MBTPS1: variants seen among roughly 807,000 people sequenced by gnomAD.
MBTPS1 encodes membrane bound transcription factor peptidase, site 1, also known as membrane-bound transcription factor site-1 protease.
A neutral mutation model predicts 127.8 loss-of-function variants in MBTPS1; 94 were observed. The ratio of observed to expected loss-of-function variants is 0.74; its 90% CI spans 0.62 to 0.87. The LOEUF is 0.87. Among genes scored for constraint, MBTPS1 ranks in the 40% least tolerant of loss-of-function variants. The pLI is 0.00. For missense variants in MBTPS1, 1,636 were observed against 1,353.2 expected, an observed-to-expected ratio of 1.21 and a Z score of -3.28; for synonymous variants, 632 against 509.4, an observed-to-expected ratio of 1.24 and a Z score of -3.24.
At chr16:84,066,666 C>G in intron 16 of MBTPS1, 53 bp from the exon 17 acceptor site, 1 of 1,577,286 alleles carries the variant, frequency 6.3e-7, no homozygotes, top group Non-Finnish European at 8.7e-7. Flanking sequence ...ACACTCCATA[C>G]ACAGTTATTT....
chr16:84,104,368 G>A (rs978864421), intron 1 of MBTPS1, among the ~76,000 whole-genome samples: 1 of 152,028 alleles, frequency 6.6e-6, no homozygotes, highest in East Asian at 1.9e-4. Flanking sequence ...TATAGTCCCA[G>A]CTACTCAGGA....
Position 84,065,673 on chromosome 16 carries a change from T to A in MBTPS1, c.2431+17A>T, listed in dbSNP as rs1383099353. The A allele has an allele frequency of 6.3e-7, 1 of 1,591,736 alleles. No homozygotes were observed. Among genetic ancestry groups the A allele is most frequent in the Admixed American group, 1.7e-5 (1 of 59,946 alleles). On this transcript the variant is annotated intron_variant, in intron 18 of 22. Transcript: ENST00000343411. ...AGAGAAAGAAGAAGCAAAAGGCCCA[T>A]GAATGGCATCCTTTACCTTGGTCCT...
In MBTPS1 at chr16:84,065,697, C is replaced by T. The variant is rs1172590250; in HGVS notation, c.2424G>A (p.Lys808=). ...EDGVVITQTF[K]DQGLEVLKQE... ...ATGAATGGCATCCTTTACCTTGGTC[C>T]TTGAAAGTCTGTGTTATCACGACGC... Residue 808 remains lysine, a synonymous_variant, in exon 18 of 23, where the codon AAG becomes AAA. Transcript: ENST00000343411. The T allele has an allele frequency of 1.2e-6, 2 of 1,612,414 alleles. No homozygotes were observed. Among genetic ancestry groups the T allele is most frequent in the Admixed American group, 1.7e-5 (1 of 59,862 alleles).
At chr16:84,091,015 A>C (rs527847861) in intron 7 of MBTPS1, 73 bp from the exon 8 acceptor site, 56 of 906,646 alleles carry the variant, frequency 6.2e-5, no homozygotes, top group South Asian at 1.0e-4. Flanking sequence ...AAAAAAAAAA[A>C]CCATACACAA....
chr16:84,063,220 A>G, intron 19 of MBTPS1, 85 bp downstream of exon 19: 1 of 1,419,660 alleles, frequency 7.0e-7, no homozygotes, highest in South Asian at 1.2e-5. Context: ...CTGATCTGCC[A>G]GCATCTCACG....
chr16:84,089,499 G>A (rs1228863852), intron 8 of MBTPS1, among the ~76,000 whole-genome samples: 2 of 152,224 alleles, frequency 1.3e-5, no homozygotes, highest in Non-Finnish European at 2.9e-5. Context: ...TTAGAAAACT[G>A]CTACAATATA....
chr16:84,063,993 CAA>C (rs1213746103), intron 18 of MBTPS1, among the ~76,000 whole-genome samples: 2 of 152,172 alleles, frequency 1.3e-5, no homozygotes, highest in African/African-American at 2.4e-5. Context: ...ATTAATTTCA[CAA>C]AGACACATGT....
chr16:84,071,594 A>G (rs1483078768), intron 12 of MBTPS1, among the ~76,000 whole-genome samples: 1 of 152,238 alleles, frequency 6.6e-6, no homozygotes, highest in Non-Finnish European at 1.5e-5. Flanking sequence ...ATTAACACAG[A>G]TGAAACAATT....
intron 12 of MBTPS1, among the ~76,000 whole-genome samples, chr16:84,071,402 C>T (rs772653526): frequency 1.3e-5 from 2 of 152,210 alleles, no homozygotes; most frequent in Non-Finnish European, 2.9e-5. Context: ...CCTCCACAAT[C>T]CACACAGCCA....
intron 1 of MBTPS1, among the ~76,000 whole-genome samples, chr16:84,111,202 GAGA>G (rs1306230742): frequency 1.4e-5 from 2 of 141,188 alleles, no homozygotes; most frequent in African/African-American, 5.9e-5. Flanking sequence ...GTCTATAAGA[GAGA>G]GGCAGGAGAT....
chr16:84,104,961 G>C (rs1474380681), intron 1 of MBTPS1, among the ~76,000 whole-genome samples: 1 of 151,954 alleles, frequency 6.6e-6, no homozygotes, highest in Non-Finnish European at 1.5e-5. Context: ...AATTAGTTGG[G>C]CATTGTGGTG....
chr16:84,086,211 C>G (rs905261884), intron 9 of MBTPS1: 1 of 152,216 alleles, frequency 6.6e-6, no homozygotes, highest in Admixed American at 6.5e-5. Flanking sequence ...CATTAAAAAG[C>G]TGGCTGGTGA....
At chr16:84,085,888 A>T (rs911009040) in intron 9 of MBTPS1, 1 of 152,176 alleles carries the variant, frequency 6.6e-6, no homozygotes, top group African/African-American at 2.4e-5. Flanking sequence ...TTACAAGGAA[A>T]AAAGTACACG....
At chr16:84,092,783 A>C (rs1009024349) in intron 6 of MBTPS1, among the ~76,000 whole-genome samples, 3 of 152,236 alleles carry the variant, frequency 2.0e-5, no homozygotes, top group African/African-American at 7.2e-5. Context: ...CGGGACACAG[A>C]GGTAAATAAA....
Position 84,070,000 on chromosome 16 carries a change from G to C in MBTPS1, c.1821C>G (p.Leu607=). The C allele has an allele frequency of 6.2e-7, 1 of 1,613,810 alleles. No individual in the cohort carries two copies. The highest frequency in any genetic ancestry group is 8.5e-7 in the Non-Finnish European group (1 of 1,179,930). ...NGAEQTSTVK[L]PIKVKIIPTP... is the part of the protein sequence containing the mutation. ...TAGGAATTATCTTCACCTTAATGGG[G>C]AGCTTTACTGTTGAAGTCTGTTCTG... The change falls in exon 14 of 23, where the codon CTC becomes CTG. Residue 607 remains leucine, a synonymous_variant. Coordinates refer to ENST00000343411, the MANE Select transcript of MBTPS1 (RefSeq NM_003791.4).
chr16:84,081,875 G>T lies in MBTPS1; in HGVS notation c.1320C>A (p.Ala440=). 6.7e-7 allele frequency: 1 copy of T among 1,483,434 alleles called. No individual in the cohort carries two copies. The highest frequency in any genetic ancestry group is 2.6e-5 in the East Asian group (1 of 38,966). 91.9% of individuals were successfully genotyped at this position (1,483,434 alleles called of 1,614,324 possible). Residue 440 remains alanine, a synonymous_variant, in exon 11 of 23, where the codon GCC becomes GCA. Transcript: ENST00000343411. ...TVQKRELVNP[A]SMKQALIASA... ...ACGCGATCAGGGCCTGCTTCATACTGGCGGGATTCACCAGCTCACGCTTCT... is the reference window on the plus strand; with the variant it reads ...ACGCGATCAGGGCCTGCTTCATACTTGCGGGATTCACCAGCTCACGCTTCT...
At chr16:84,092,255 AACAG>A (rs1453044869) in intron 6 of MBTPS1, among the ~76,000 whole-genome samples, 2 of 152,234 alleles carry the variant, frequency 1.3e-5, no homozygotes, top group African/African-American at 4.8e-5. Context: ...TTCATTCCTA[AACAG>A]ACTGAAGGAC....
intron 20 of MBTPS1, chr16:84,059,673 G>C (rs1374560417): frequency 5.3e-6 from 2 of 380,914 alleles, no homozygotes; most frequent in Non-Finnish European, 9.8e-6. Flanking sequence ...AAGATGGGCA[G>C]ATGTGTGCAC....
intron 1 of MBTPS1, among the ~76,000 whole-genome samples, chr16:84,104,620 T>C (rs567028722): frequency 6.6e-6 from 1 of 152,312 alleles, no homozygotes; most frequent in South Asian, 2.1e-4. Context: ...CAACTTTAAT[T>C]CAACCTGTTC....
Sources: gnomAD v4.1 joint callset for allele counts (sites outside exome capture counted in the v4.1 genomes callset) on GRCh38, gnomAD v4.1.1 for gene constraint, MANE v1.5 for transcripts, NCBI Gene and HGNC (gene_info 2026-07-23, HGNC 2026-07-21) for gene names.